The following ERMARD variants were observed in gnomAD, a reference collection of about 807,000 sequenced individuals.
ERMARD encodes ER membrane associated RNA degradation.
ERMARD carries 71 observed loss-of-function variants against 83.9 expected under a neutral mutation model. The ratio of observed to expected loss-of-function variants is 0.85; its 90% CI spans 0.70 to 1.03. The LOEUF is 1.03. Among genes scored for constraint, ERMARD ranks in the 50% least tolerant of loss-of-function variants. The probability of loss-of-function intolerance (pLI) is 0.00; values close to 1 mark genes in which losing one functional copy is unlikely to be tolerated. For missense variants in ERMARD, 838 were observed against 810.9 expected, an observed-to-expected ratio of 1.03 and a Z score of -0.41; for synonymous variants, 284 against 298.6, an observed-to-expected ratio of 0.95 and a Z score of 0.50.
At chr6:169,778,002 G>A (rs1393171159) in intron 16 of ERMARD, among the ~76,000 whole-genome samples, 1 of 152,184 alleles carries the variant, frequency 6.6e-6, no homozygotes, top group Non-Finnish European at 1.5e-5. Context: ...TACAAGGCAG[G>A]ACCCACCCTG....
chr6:169,766,753 T>C, intron 10 of ERMARD, 86 bp downstream of exon 10: 8 of 1,376,036 alleles, frequency 5.8e-6, no homozygotes, highest in Non-Finnish European at 3.9e-6. Flanking sequence ...AAATTAAAGA[T>C]CAGCCATAAA....
At position 169,768,127 on chromosome 6, in the gene ERMARD, G is replaced by A; in HGVS notation, c.1015G>A (p.Gly339Ser). The A allele has an allele frequency of 6.2e-7, 1 of 1,614,026 alleles. No homozygotes were observed. Among genetic ancestry groups the A allele is most frequent in the Non-Finnish European group, 8.5e-7 (1 of 1,179,950 alleles). The change falls in exon 11 of 18, where the codon GGT becomes AGT. Residue 339 changes from glycine to serine, a missense_variant. By Grantham distance (56) the Gly-to-Ser change is moderately conservative. Transcript: ENST00000366773. ...DQILAKHLND[G>S]KINQLPLFLG... is the part of the protein sequence containing the mutation. ...GATATTGGCAAAACACTTGAATGAT[G>A]GTAAAATCAATCAGCTTCCTCTTTT...
intron 8 of ERMARD, 119 bp from the exon 9 acceptor site, chr6:169,762,310 A>G (rs1791650438): frequency 1.1e-6 from 1 of 880,616 alleles, no homozygotes; most frequent in Non-Finnish European, 1.8e-6. Flanking sequence ...CCTAGCCTCA[A>G]GCGATCCTCC....
Position 169,755,394 on chromosome 6 carries a change from C to A in ERMARD, c.287C>A (p.Pro96Gln). 3 of 1,614,096 alleles carry A rather than the reference C, an allele frequency of 1.9e-6. No individual in the cohort carries two copies. The highest frequency in any genetic ancestry group is 2.5e-6 in the Non-Finnish European group (3 of 1,180,022). The part of the protein sequence containing the change: ...TKGQFEIRYA[P>Q]WFQWTSFPEL... Reference sequence around the variant, plus strand: ...GGGCAATTTGAAATTCGATATGCACCGTGGTTCCAGTGGACAAGTTTTCCA... The same window carrying A: ...GGGCAATTTGAAATTCGATATGCACAGTGGTTCCAGTGGACAAGTTTTCCA... The change falls in exon 3 of 18, where the codon CCG becomes CAG. Residue 96 changes from proline to glutamine, a missense_variant. By Grantham distance (76) the Pro-to-Gln change is moderately conservative. Transcript: ENST00000366773.
chr6:169,762,595 T>A, intron 9 of ERMARD, 64 bp downstream of exon 9: 2 of 1,342,252 alleles, frequency 1.5e-6, no homozygotes. Flanking sequence ...CTGTTACCAA[T>A]TAAAAGTTTT....
intron 8 of ERMARD, among the ~76,000 whole-genome samples, chr6:169,762,110 G>T (rs1791628763): frequency 6.6e-6 from 1 of 152,096 alleles, no homozygotes; most frequent in African/African-American, 2.4e-5. Context: ...TTTACTTAGA[G>T]AGTCTTAGTC....
intron 2 of ERMARD, among the ~76,000 whole-genome samples, chr6:169,754,692 A>G (rs1230558893): frequency 6.6e-6 from 1 of 152,218 alleles, no homozygotes; most frequent in African/African-American, 2.4e-5. Context: ...CTCATCTTAT[A>G]CAGAAGTCTC....
chr6:169,777,114 G>A (rs140359652), intron 16 of ERMARD, among the ~76,000 whole-genome samples: 39 of 152,270 alleles, frequency 2.6e-4, no homozygotes, highest in Non-Finnish European at 4.6e-4. Context: ...TGAGCCTTTC[G>A]GTGAATACAC....
At chr6:169,780,423 AT>A (rs2128370363) in intron 17 of ERMARD, among the ~76,000 whole-genome samples, 1 of 152,316 alleles carries the variant, frequency 6.6e-6, no homozygotes, top group East Asian at 1.9e-4. Flanking sequence ...AAGTTTGAAT[AT>A]TTTCAAGATA....
At chr6:169,770,030 C>T (rs1340855883) in intron 12 of ERMARD, among the ~76,000 whole-genome samples, 1 of 152,198 alleles carries the variant, frequency 6.6e-6, no homozygotes, top group Non-Finnish European at 1.5e-5. Context: ...GAAATTTTTA[C>T]AGATATTTGC....
intron 9 of ERMARD, among the ~76,000 whole-genome samples, chr6:169,763,366 C>T (rs1311411780): frequency 6.6e-6 from 1 of 152,212 alleles, no homozygotes; most frequent in Non-Finnish European, 1.5e-5. Flanking sequence ...ACTACTACTT[C>T]CTGGCTCCAG....
intron 16 of ERMARD, among the ~76,000 whole-genome samples, chr6:169,777,376 G>A (rs1407024726): frequency 1.3e-5 from 2 of 152,296 alleles, no homozygotes; most frequent in East Asian, 3.9e-4. Flanking sequence ...AATTATGAGG[G>A]AGGTCTGTAT....
intron 16 of ERMARD, among the ~76,000 whole-genome samples, chr6:169,777,316 C>CT (rs1280574908): frequency 2.6e-5 from 4 of 152,202 alleles, no homozygotes; most frequent in African/African-American, 9.7e-5. Flanking sequence ...TTCAGCAGAA[C>CT]TCTTTCAGGG....
At chr6:169,758,444 G>A (rs1043845423) in intron 5 of ERMARD, among the ~76,000 whole-genome samples, 1 of 152,194 alleles carries the variant, frequency 6.6e-6, no homozygotes, top group Non-Finnish European at 1.5e-5. Flanking sequence ...TGGGCTTCAC[G>A]TCAGACAGCT....
At chr6:169,779,115 T>C in intron 16 of ERMARD, 67 bp from the exon 17 acceptor site, 2 of 1,361,368 alleles carry the variant, frequency 1.5e-6, no homozygotes, top group Non-Finnish European at 2.1e-6. Context: ...TGAAACATCT[T>C]TTTCCTGATG....
chr6:169,772,967 C>T lies in ERMARD; in HGVS notation c.1234-352C>T, dbSNP rs150130353. 901 of 209,732 alleles carry T rather than the reference C, an allele frequency of 4.3e-3. 6 individuals carry two copies. The highest frequency in any genetic ancestry group is 0.016 in the Middle Eastern group (9 of 576). The allele number at this position is 209,732 out of a possible 1,614,324, so 13.0% of individuals were successfully genotyped here. ...TATGCTTGGCAATTAAATGTTTATGCGATCCTTTTTTTAGTTGTATTCATT... is the reference window on the plus strand; with the variant it reads ...TATGCTTGGCAATTAAATGTTTATGTGATCCTTTTTTTAGTTGTATTCATT... On this transcript the variant is annotated intron_variant, in intron 12 of 17. Transcript: ENST00000366773.
At chr6:169,768,558 C>G (rs1255039103) in intron 11 of ERMARD, among the ~76,000 whole-genome samples, 2 of 152,060 alleles carry the variant, frequency 1.3e-5, no homozygotes, top group African/African-American at 2.4e-5. Context: ...GAGTTCAATA[C>G]CAGTCTGGTC....
rs59747825 is a variant in ERMARD at position 169,767,756 on chromosome 6, TACACAC to T, written c.991-327_991-322del. ...CATACACACATGCAGGCACATACAC[TACACAC>T]ACACACACACACACACACAGGCACA... On this transcript the variant is annotated intron_variant, in intron 10 of 17. Coordinates refer to ENST00000366773, the MANE Select transcript of ERMARD (RefSeq NM_018341.3). The T allele has an allele frequency of 6.5e-4, 169 of 259,488 alleles. 1 individual carries two copies. Among genetic ancestry groups the T allele is most frequent in the East Asian group, 1.9e-3 (21 of 11,214 alleles). The allele number at this position is 259,488 out of a possible 1,614,324, so 16.1% of individuals were successfully genotyped here. A position where few individuals can be genotyped will look rare whatever the true frequency, so the allele number is the denominator to read the frequency against.
Position 169,775,281 on chromosome 6 carries a change from T to C in ERMARD, c.1329T>C (p.Cys443=), listed in dbSNP as rs76173501. Residue 443 remains cysteine (C), a synonymous_variant, in exon 14 of 18, where the codon TGT becomes TGC. Coordinates refer to ENST00000366773, the MANE Select transcript of ERMARD (RefSeq NM_018341.3). ...ACATTTCCTCCCAGGTGCTGAGCTGTGAGGAGAGCATCAGGGTTTGGGCTC... is the reference window on the plus strand; with the variant it reads ...ACATTTCCTCCCAGGTGCTGAGCTGCGAGGAGAGCATCAGGGTTTGGGCTC... ...VFQLKKQVLS[C]EESIRVWALL... is the part of the protein sequence containing the mutation. 4.0e-4 allele frequency: 652 copies of C among 1,614,204 alleles called. 2 individuals carry two copies. In the African/African-American group the frequency reaches 7.4e-3, roughly 18 times the overall value.
Sources: gnomAD v4.1 joint callset for allele counts (sites outside exome capture counted in the v4.1 genomes callset) on GRCh38, gnomAD v4.1.1 for gene constraint, MANE v1.5 for transcripts, NCBI Gene and HGNC (gene_info 2026-07-23, HGNC 2026-07-21) for gene names.